Variants in RSF1 observed in about 807,000 individuals in gnomAD.
RSF1 encodes HBV pX-associated protein 8.
In RSF1, 13 loss-of-function variants were observed where a neutral mutation model predicts 145.2. The observed-to-expected ratio is 0.09, with a 90% CI of 0.06 to 0.14. RSF1 has a LOEUF of 0.14. RSF1 is among the 10% of genes least tolerant of loss of function. The pLI is 1.00. For synonymous variants in RSF1, 577 were observed against 592.6 expected (o/e 0.97, Z 0.38); for missense variants, 1,517 against 1,718.2 (o/e 0.88, Z 2.07).
At chr11:77,845,020 T>C in the RSF1 span, among the ~76,000 whole-genome samples, 1 of 152,210 alleles carries the variant, frequency 6.6e-6, no homozygotes, top group Admixed American at 6.5e-5. Flanking sequence ...GTTGCTTCTC[T>C]CTAACTGCTT....
At chr11:77,827,117 A>G in the RSF1 span, among the ~76,000 whole-genome samples, 1 of 146,662 alleles carries the variant, frequency 6.8e-6, no homozygotes, top group Non-Finnish European at 1.5e-5. Context: ...AAAAAAAAAA[A>G]TCGAATTGGG....
chr11:77,832,114 T>A, the RSF1 span: 1 of 152,114 alleles, frequency 6.6e-6, no homozygotes, highest in Non-Finnish European at 1.5e-5. Flanking sequence ...ATACCTATGA[T>A]ATCCACCATA....
At chr11:77,723,027 T>C (rs1195149294) in intron 5 of RSF1, among the ~76,000 whole-genome samples, 3 of 152,232 alleles carry the variant, frequency 2.0e-5, no homozygotes, top group Non-Finnish European at 4.4e-5. Context: ...TTGATTTTAA[T>C]TGTGTATGGG....
intron 5 of RSF1, among the ~76,000 whole-genome samples, chr11:77,711,624 C>T (rs562727815): frequency 8.9e-4 from 136 of 152,116 alleles, no homozygotes; most frequent in South Asian, 2.9e-3. Flanking sequence ...GAGCCCAGAT[C>T]GAGCCATTGC....
intron 1 of RSF1, 105 bp downstream of exon 1, chr11:77,820,423 G>C (rs929044805): frequency 1.4e-4 from 168 of 1,222,694 alleles, no homozygotes; most frequent in Non-Finnish European, 1.8e-4. Context: ...GGGGAAGACA[G>C]AGCCGCGGAG....
chr11:77,682,566 T>C (rs1316303485), intron 11 of RSF1, among the ~76,000 whole-genome samples: 1 of 152,236 alleles, frequency 6.6e-6, no homozygotes, highest in African/African-American at 2.4e-5. Context: ...CTGGTATCTT[T>C]GGTGTTAAAA....
chr11:77,791,703 G>A (rs934191395), intron 1 of RSF1, among the ~76,000 whole-genome samples: 22 of 152,006 alleles, frequency 1.4e-4, no homozygotes, highest in Non-Finnish European at 3.2e-4. Flanking sequence ...GGAAAATGTC[G>A]CCAGTCTCTT....
Position 77,820,538 on chromosome 11 carries a change from G to A in RSF1, c.177C>T (p.Gly59=). 1 of 1,548,106 alleles carries A rather than the reference G, an allele frequency of 6.5e-7. No homozygotes were observed. Among genetic ancestry groups the A allele is most frequent in the Non-Finnish European group, 8.7e-7 (1 of 1,146,718 alleles). The change falls in exon 1 of 16, where the codon GGC becomes GGT. Residue 59 remains glycine (G), a synonymous_variant. Coordinates refer to ENST00000308488, the MANE Select transcript of RSF1 (RefSeq NM_016578.4). ...RVLQAPPPDV[G]NGEVPKELVE... ...GGGCCCCTCGCTTACCTTCTCCGTT[G>A]CCGACGTCCGGCGGCGGCGCCTGCA...
chr11:77,766,119 T>C (rs1364462526), intron 1 of RSF1, among the ~76,000 whole-genome samples: 3 of 151,680 alleles, frequency 2.0e-5, no homozygotes, highest in African/African-American at 2.4e-5. Flanking sequence ...TACTCAAATA[T>C]ATTGGCAAAA....
At chr11:77,775,459 T>C (rs1212835150) in intron 1 of RSF1, among the ~76,000 whole-genome samples, 1 of 152,196 alleles carries the variant, frequency 6.6e-6, no homozygotes, top group Non-Finnish European at 1.5e-5. Context: ...TTCCCCGCTT[T>C]TCTCTCCCTT....
At position 77,660,502 on chromosome 11, in the gene RSF1, G is replaced by T. The variant is rs1429712058; in HGVS notation, c.*6415C>A. On this transcript the variant is annotated 3_prime_UTR_variant, in exon 16 of 16. Coordinates refer to ENST00000308488, the MANE Select transcript of RSF1 (RefSeq NM_016578.4). ...CAGCATGGTCCTGATTACCTCAAGA[G>T]TTAGTTTTATGCCAATCTTGGAGCT... 1 of 150,968 alleles carries T rather than the reference G, an allele frequency of 6.6e-6. No homozygotes were observed. 9.4% of individuals were successfully genotyped at this position (150,968 alleles called of 1,614,324 possible). A position where few individuals can be genotyped will look rare whatever the true frequency, so the allele number is the denominator to read the frequency against.
In RSF1 at chr11:77,734,932, G is replaced by A; in HGVS notation, c.578+5799C>T. 7 of 1,590,956 alleles carry A rather than the reference G, an allele frequency of 4.4e-6. No homozygotes were observed. In the South Asian group the frequency reaches 7.7e-5, roughly 17 times the overall value. ...GTAAGACATGGACAGGTAAACGTAG[G>A]AGGCACAGAGCTCTAGGTTGATCTG... On this transcript the variant is annotated intron_variant, in intron 4 of 15. Coordinates refer to ENST00000308488, the MANE Select transcript of RSF1 (RefSeq NM_016578.4).
At chr11:77,805,380 G>C (rs1465832435) in intron 1 of RSF1, among the ~76,000 whole-genome samples, 1 of 151,844 alleles carries the variant, frequency 6.6e-6, no homozygotes, top group Non-Finnish European at 1.5e-5. Context: ...GGCAGAGGTT[G>C]CAATGAGCCA....
At chr11:77,832,949 A>G in the RSF1 span, among the ~76,000 whole-genome samples, 2 of 96,292 alleles carry the variant, frequency 2.1e-5, no homozygotes, top group Middle Eastern at 4.3e-3. Flanking sequence ...TTGTATATAT[A>G]TATGTGTGTG....
At chr11:77,735,480 C>A (rs1961325577) in intron 4 of RSF1, among the ~76,000 whole-genome samples, 2 of 151,890 alleles carry the variant, frequency 1.3e-5, no homozygotes, top group Non-Finnish European at 2.9e-5. Flanking sequence ...AAACGGAACC[C>A]TAAAGACTAG....
At position 77,660,452 on chromosome 11, in the gene RSF1, A is replaced by T. The variant is rs1249902478; in HGVS notation, c.*6465T>A. The T allele has an allele frequency of 1.4e-5, 2 of 142,898 alleles. No homozygotes were observed. Among genetic ancestry groups the T allele is most frequent in the African/African-American group, 5.0e-5 (2 of 39,832 alleles). The allele number at this position is 142,898 out of a possible 1,614,324, so 8.9% of individuals were successfully genotyped here. On this transcript the variant is annotated 3_prime_UTR_variant, in exon 16 of 16. Transcript: ENST00000308488. Reference sequence around the variant, plus strand: ...ACATGCAGTACATTATGTGACAGAGAGCACTCCAGCTTCTATTTGACTAAC... The same window carrying T: ...ACATGCAGTACATTATGTGACAGAGTGCACTCCAGCTTCTATTTGACTAAC...
intron 4 of RSF1, among the ~76,000 whole-genome samples, chr11:77,727,434 T>C (rs1961081251): frequency 6.6e-6 from 1 of 151,568 alleles, no homozygotes; most frequent in African/African-American, 2.4e-5. Flanking sequence ...GTAAGAGAGC[T>C]AATATTGCTA....
chr11:77,807,889 G>T (rs1183041772), intron 1 of RSF1, among the ~76,000 whole-genome samples: 2 of 152,132 alleles, frequency 1.3e-5, no homozygotes, highest in African/African-American at 4.8e-5. Context: ...TAGGGTAAAT[G>T]GAAGTCATGG....
intron 1 of RSF1, among the ~76,000 whole-genome samples, chr11:77,805,508 CA>C (rs1171544982): frequency 6.6e-6 from 1 of 151,754 alleles, no homozygotes; most frequent in East Asian, 1.9e-4. Flanking sequence ...ACCTATAAGA[CA>C]AAACAATTGG....
Sources: gnomAD v4.1 joint callset for allele counts (sites outside exome capture counted in the v4.1 genomes callset) on GRCh38, gnomAD v4.1.1 for gene constraint, MANE v1.5 for transcripts, NCBI Gene and HGNC (gene_info 2026-07-23, HGNC 2026-07-21) for gene names.